The following PRORP variants were observed in gnomAD, a reference collection of about 807,000 sequenced individuals.
PRORP encodes protein only RNase P catalytic subunit.
A neutral mutation model predicts 59.4 loss-of-function variants in PRORP; 51 were observed. The ratio of observed to expected loss-of-function variants is 0.86; its 90% CI spans 0.69 to 1.08. The LOEUF is 1.08. Ranked by LOEUF, PRORP falls within the 50% of genes least tolerant of loss-of-function variation. The probability of loss-of-function intolerance (pLI) is 0.00; values close to 1 mark genes in which losing one functional copy is unlikely to be tolerated. For synonymous variants in PRORP, 231 were observed against 245.6 expected, an observed-to-expected ratio of 0.94 and a Z score of 0.55; for missense variants, 646 against 690.3, an observed-to-expected ratio of 0.94 and a Z score of 0.72.
chr14:35,196,254 C>T (rs191832225), intron 5 of PRORP, among the ~76,000 whole-genome samples: 17 of 152,302 alleles, frequency 1.1e-4, no homozygotes, highest in Admixed American at 9.2e-4. Flanking sequence ...GTGGGAGGAC[C>T]ACTTGAGCCC....
In PRORP at chr14:35,257,755, G is replaced by C. The variant is rs147733495; in HGVS notation, c.1276-8972G>C. Among the ~76,000 whole-genome samples, 380 of 152,248 alleles carry C rather than the reference G, an allele frequency of 2.5e-3. 2 individuals carry two copies. The highest frequency in any genetic ancestry group is 8.6e-3 in the African/African-American group (356 of 41,538). ...ATTTCTGAAGACATCAGATCCCAAA[G>C]GCTTTAGAGTTTCTGAACAGCTACA... On this transcript the variant is annotated intron_variant, in intron 5 of 7. Transcript: ENST00000534898.
At chr14:35,217,051 C>T (rs1595328145) in intron 5 of PRORP, among the ~76,000 whole-genome samples, 1 of 151,670 alleles carries the variant, frequency 6.6e-6, no homozygotes, top group East Asian at 1.9e-4. Flanking sequence ...ATATTAGGTC[C>T]TTCTCAGATA....
At chr14:35,153,052 G>A (rs1259140121) in intron 4 of PRORP, among the ~76,000 whole-genome samples, 5 of 151,064 alleles carry the variant, frequency 3.3e-5, no homozygotes, top group South Asian at 2.1e-4. Flanking sequence ...CTGGGAGGTG[G>A]AGGTTGTAGC....
chr14:35,125,930 G>T (rs2047085948), intron 2 of PRORP, among the ~76,000 whole-genome samples: 1 of 152,138 alleles, frequency 6.6e-6, no homozygotes, highest in South Asian at 2.1e-4. Context: ...GAAGCAAGAG[G>T]ATCACTTGAA....
chr14:35,201,708 T>A (rs1566494054), intron 5 of PRORP, among the ~76,000 whole-genome samples: 1 of 151,884 alleles, frequency 6.6e-6, no homozygotes, highest in African/African-American at 2.4e-5. Flanking sequence ...AGTGGTGCGA[T>A]CTTGCAGTGG....
At chr14:35,171,393 T>G (rs2048309633) in intron 4 of PRORP, among the ~76,000 whole-genome samples, 1 of 152,206 alleles carries the variant, frequency 6.6e-6, no homozygotes, top group Non-Finnish European at 1.5e-5. Context: ...GAAGGATATT[T>G]TTACTAGATA....
At chr14:35,268,958 C>T (rs1001607402) in intron 6 of PRORP, among the ~76,000 whole-genome samples, 3 of 152,194 alleles carry the variant, frequency 2.0e-5, no homozygotes, top group South Asian at 4.1e-4. Context: ...AGAAGCAAAC[C>T]TCTCATCCAG....
intron 5 of PRORP, among the ~76,000 whole-genome samples, chr14:35,221,365 G>C (rs1261422562): frequency 1.3e-5 from 2 of 152,118 alleles, no homozygotes; most frequent in African/African-American, 2.4e-5. Context: ...CAGTATAATT[G>C]GTTTTCCCTT....
At chr14:35,237,762 G>C (rs1174551867) in intron 5 of PRORP, among the ~76,000 whole-genome samples, 1 of 152,130 alleles carries the variant, frequency 6.6e-6, no homozygotes, top group East Asian at 1.9e-4. Context: ...GGGTACAAGA[G>C]ATTCTCCTGC....
intron 4 of PRORP, among the ~76,000 whole-genome samples, chr14:35,163,772 A>G (rs947478852): frequency 2.0e-5 from 3 of 152,118 alleles, no homozygotes; most frequent in African/African-American, 7.2e-5. Flanking sequence ...TTAGTTAATT[A>G]ATTAGGTCCC....
intron 4 of PRORP, among the ~76,000 whole-genome samples, chr14:35,139,146 A>G (rs1466047939): frequency 1.4e-5 from 2 of 145,590 alleles, no homozygotes; most frequent in East Asian, 4.6e-4. Context: ...AATTAGAGAT[A>G]GGGTCTCACT....
At chr14:35,264,822 A>G (rs928135402) in intron 5 of PRORP, among the ~76,000 whole-genome samples, 1 of 152,136 alleles carries the variant, frequency 6.6e-6, no homozygotes, top group African/African-American at 2.4e-5. Context: ...TGCTAAAAAT[A>G]CAAAAATTAG....
chr14:35,166,885 T>C (rs2048198630), intron 4 of PRORP, among the ~76,000 whole-genome samples: 1 of 152,144 alleles, frequency 6.6e-6, no homozygotes, highest in Non-Finnish European at 1.5e-5. Context: ...ATGGGCAGAG[T>C]GTACTTACCC....
chr14:35,264,533 C>A lies in PRORP; in HGVS notation c.1276-2194C>A, dbSNP rs74772083. The stretch of plus-strand genomic sequence containing the variant: ...TCATCCTCCCACAGTGCCGAAGTTA[C>A]AGATGTGAGCCACCATACCCGGCCC... On this transcript the variant is annotated intron_variant, in intron 5 of 7. Transcript: ENST00000534898. 2.4e-3 allele frequency among the ~76,000 whole-genome samples: 358 copies of A among 152,142 alleles called. 5 individuals are homozygous for A. The highest frequency in any genetic ancestry group is 8.4e-3 in the African/African-American group (348 of 41,524).
chr14:35,240,466 G>T (rs916535977), intron 5 of PRORP, among the ~76,000 whole-genome samples: 3 of 149,382 alleles, frequency 2.0e-5, no homozygotes, highest in African/African-American at 7.3e-5. Flanking sequence ...GACAGCTGTG[G>T]TGCCTCCCAC....
intron 5 of PRORP, among the ~76,000 whole-genome samples, chr14:35,181,090 G>A (rs764519510): frequency 1.3e-5 from 2 of 152,004 alleles, no homozygotes; most frequent in South Asian, 2.1e-4. Context: ...CTTTGGGGTC[G>A]CTCTGTCATT....
chr14:35,262,966 A>G (rs2050943118), intron 5 of PRORP: 3 of 1,598,840 alleles, frequency 1.9e-6, no homozygotes, highest in Admixed American at 1.7e-5. Flanking sequence ...GTTAAAAACA[A>G]GGATATCAGG....
chr14:35,266,780 A>G lies in PRORP; in HGVS notation c.1329A>G (p.Leu443=). The change falls in exon 6 of 8, where the codon CTA becomes CTG. Residue 443 remains leucine (L), a synonymous_variant. Transcript: ENST00000534898. ...LAKRNLRLLV[L]GRKHMLRRSS... The stretch of plus-strand genomic sequence containing the variant: ...AACGGAATCTGCGACTGCTGGTCCT[A>G]GGCCGGAAGCACATGCTAAGACGGA... The G allele has an allele frequency of 6.2e-7, 1 of 1,614,190 alleles. No homozygotes were observed. The highest frequency in any genetic ancestry group is 1.1e-5 in the South Asian group (1 of 91,090).
At chr14:35,265,016 TA>T (rs1191685968) in intron 5 of PRORP, among the ~76,000 whole-genome samples, 4 of 151,966 alleles carry the variant, frequency 2.6e-5, no homozygotes, top group Non-Finnish European at 4.4e-5. Flanking sequence ...AAATAAAAAA[TA>T]AAAAAATTCA....
Sources: gnomAD v4.1 joint callset for allele counts (sites outside exome capture counted in the v4.1 genomes callset) on GRCh38, gnomAD v4.1.1 for gene constraint, MANE v1.5 for transcripts, NCBI Gene and HGNC (gene_info 2026-07-23, HGNC 2026-07-21) for gene names.